The following DNER variants were observed in gnomAD, a reference collection of about 807,000 sequenced individuals.
DNER encodes delta/notch like EGF repeat containing, also known as delta and Notch-like epidermal growth factor-related receptor.
DNER carries 33 observed loss-of-function variants against 78.2 expected under a neutral mutation model. The ratio of observed to expected loss-of-function variants is 0.42; its 90% CI spans 0.32 to 0.56. The LOEUF (loss-of-function observed/expected upper bound fraction) is 0.56, where lower values mean the gene tolerates loss of function less well. Ranked by LOEUF, DNER falls within the 20% of genes least tolerant of loss-of-function variation. The probability of loss-of-function intolerance (pLI) is 0.11; values close to 1 mark genes in which losing one functional copy is unlikely to be tolerated. For synonymous variants in DNER, 417 were observed against 384.8 expected (o/e 1.08, Z -0.98); for missense variants, 918 against 975.3 (o/e 0.94, Z 0.78).
At chr2:229,554,508 A>G (rs1476465328) in intron 4 of DNER, among the ~76,000 whole-genome samples, 2 of 152,162 alleles carry the variant, frequency 1.3e-5, no homozygotes, top group African/African-American at 4.8e-5. Context: ...CCTGGCCAAC[A>G]TGCTGAAACT....
chr2:229,451,217 G>A (rs1694449705), intron 7 of DNER, among the ~76,000 whole-genome samples: 1 of 152,220 alleles, frequency 6.6e-6, no homozygotes, highest in Non-Finnish European at 1.5e-5. Flanking sequence ...CTAGCACTTT[G>A]GGAGACTGAG....
At chr2:229,584,750 G>A (rs1697467824) in intron 4 of DNER, among the ~76,000 whole-genome samples, 1 of 152,082 alleles carries the variant, frequency 6.6e-6, no homozygotes. Flanking sequence ...CCAACATGGT[G>A]AAACCCCGTC....
In DNER at chr2:229,585,859, A is replaced by T. The variant is rs1453304345; in HGVS notation, c.846T>A (p.Ile282=). The T allele has an allele frequency of 2.5e-6, 4 of 1,613,810 alleles. No individual in the cohort carries two copies. Among genetic ancestry groups the T allele is most frequent in the Non-Finnish European group, 3.4e-6 (4 of 1,179,912 alleles). ...GAGTAGAAGATTTTGGTAACTCACC[A>T]ATAAAGTGATTATTCCCCAAGGCGA... ...EMLALGNNHF[I]GFVNDSVTKS... is the part of the protein sequence containing the mutation. Residue 282 remains isoleucine (I), a splice_region_variant and synonymous_variant, in exon 4 of 13, where the codon ATT becomes ATA. Coordinates refer to ENST00000341772, the MANE Select transcript of DNER (RefSeq NM_139072.4).
At chr2:229,673,420 C>T (rs188258117) in intron 1 of DNER, among the ~76,000 whole-genome samples, 2 of 152,308 alleles carry the variant, frequency 1.3e-5, no homozygotes, top group Admixed American at 6.5e-5. Context: ...TTTGGACTTG[C>T]CCTCCTGGGG....
chr2:229,629,773 C>A (rs570933135), intron 1 of DNER, among the ~76,000 whole-genome samples: 1 of 152,324 alleles, frequency 6.6e-6, no homozygotes, highest in African/African-American at 2.4e-5. Context: ...AGGTGGCATT[C>A]TGAATATTTG....
chr2:229,569,099 A>T (rs142328628), intron 4 of DNER, among the ~76,000 whole-genome samples: 3 of 152,164 alleles, frequency 2.0e-5, no homozygotes, highest in Non-Finnish European at 4.4e-5. Context: ...GTGCCTATGG[A>T]TGGATGCGTA....
At chr2:229,655,563 T>C (rs993034862) in intron 1 of DNER, among the ~76,000 whole-genome samples, 14 of 152,124 alleles carry the variant, frequency 9.2e-5, no homozygotes, top group African/African-American at 3.1e-4. Context: ...TTTTGGTCCT[T>C]CATTTAAAAA....
chr2:229,484,659 C>T (rs909501230), intron 6 of DNER, among the ~76,000 whole-genome samples: 1 of 152,056 alleles, frequency 6.6e-6, no homozygotes, highest in Admixed American at 6.6e-5. Context: ...TATTGTTATA[C>T]CTCTGAAGGT....
intron 1 of DNER, among the ~76,000 whole-genome samples, chr2:229,627,955 G>T (rs1043524898): frequency 2.6e-5 from 4 of 152,314 alleles, no homozygotes; most frequent in Non-Finnish European, 5.9e-5. Context: ...GAGTGACATT[G>T]CCACTTTCCA....
intron 6 of DNER, among the ~76,000 whole-genome samples, chr2:229,502,212 G>C (rs939555801): frequency 3.3e-5 from 5 of 152,158 alleles, no homozygotes; most frequent in African/African-American, 1.2e-4. Flanking sequence ...CATTAAAGTA[G>C]AACCCATCAG....
At chr2:229,441,850 C>A (rs1694242099) in intron 8 of DNER, among the ~76,000 whole-genome samples, 1 of 152,142 alleles carries the variant, frequency 6.6e-6, no homozygotes, top group Non-Finnish European at 1.5e-5. Context: ...AAGCATCAGA[C>A]CAGCTCCTAA....
intron 1 of DNER, among the ~76,000 whole-genome samples, chr2:229,594,141 G>A (rs1306613514): frequency 3.9e-5 from 6 of 152,190 alleles, no homozygotes; most frequent in African/African-American, 9.7e-5. Context: ...AGTTAAGCAC[G>A]TGTACACACC....
chr2:229,369,336 AAAAAAAAGTTTTAACTTTCTAAAAAGTT>A, intron 11 of DNER, among the ~76,000 whole-genome samples: 2 of 148,780 alleles, frequency 1.3e-5, no homozygotes, highest in African/African-American at 4.9e-5. Context: ...CTAAAAAGTT[AAAAAAAAGTTTTAACTTTCTAAAAAGTT>A]AAAAAAAAGT....
intron 4 of DNER, among the ~76,000 whole-genome samples, chr2:229,564,977 C>T (rs1366877252): frequency 6.6e-6 from 1 of 152,114 alleles, no homozygotes; most frequent in African/African-American, 2.4e-5. Context: ...AGTGAGGAAG[C>T]TCTCTGGGGT....
chr2:229,388,539 C>G (rs911823598), intron 10 of DNER, 143 bp from the exon 11 acceptor site: 3 of 929,012 alleles, frequency 3.2e-6, no homozygotes, highest in Non-Finnish European at 4.2e-6. Context: ...AAGTGCAGAA[C>G]TCTCAGAAAA....
chr2:229,590,949 G>A (rs1048668095), intron 2 of DNER, among the ~76,000 whole-genome samples: 1 of 152,134 alleles, frequency 6.6e-6, no homozygotes, highest in Non-Finnish European at 1.5e-5. Flanking sequence ...ATTGTTTTCT[G>A]GGACCTCTCC....
At chr2:229,622,209 T>C (rs934915378) in intron 1 of DNER, among the ~76,000 whole-genome samples, 2 of 152,216 alleles carry the variant, frequency 1.3e-5, no homozygotes, top group Non-Finnish European at 2.9e-5. Flanking sequence ...CTTGACAGCA[T>C]TGAGTTTTAC....
chr2:229,459,401 G>A (rs896078242), intron 7 of DNER, among the ~76,000 whole-genome samples: 1 of 152,100 alleles, frequency 6.6e-6, no homozygotes, highest in Non-Finnish European at 1.5e-5. Flanking sequence ...AGAAATAGAA[G>A]AAGAAAGAAG....
intron 4 of DNER, among the ~76,000 whole-genome samples, chr2:229,556,949 T>G (rs879744714): frequency 5.9e-5 from 9 of 152,224 alleles, no homozygotes; most frequent in Non-Finnish European, 1.2e-4. Flanking sequence ...GTTAGTTGTT[T>G]ATATCTCCCT....
Sources: allele counts gnomAD v4.1 joint callset (sites outside exome capture counted in the v4.1 genomes callset), GRCh38; gene constraint gnomAD v4.1.1; transcripts MANE v1.5; gene names NCBI Gene and HGNC (gene_info 2026-07-23, HGNC 2026-07-21).